Variants in PITPNC1 observed in about 807,000 individuals in gnomAD.
PITPNC1 encodes the protein cytoplasmic phosphatidylinositol transfer protein 1.
PITPNC1 carries 18 observed loss-of-function variants against 44.7 expected under a neutral mutation model. The observed-to-expected ratio is 0.40, with a 90% CI of 0.28 to 0.60. The LOEUF (loss-of-function observed/expected upper bound fraction) is 0.60, where lower values mean the gene tolerates loss of function less well. Ranked by LOEUF, PITPNC1 falls within the 20% of genes least tolerant of loss-of-function variation. The pLI is 0.39. For missense variants in PITPNC1, 290 were observed against 418.4 expected (o/e 0.69, Z 2.68); for synonymous variants, 141 against 149.6 (o/e 0.94, Z 0.42).
chr17:67,636,253 G>A (rs2042030826), intron 6 of PITPNC1, among the ~76,000 whole-genome samples: 2 of 133,228 alleles, frequency 1.5e-5, no homozygotes, highest in Admixed American at 1.8e-4. Flanking sequence ...CTGCACTCCA[G>A]CCCAGGCGAC....
intron 5 of PITPNC1, chr17:67,611,239 G>A (rs555372158): frequency 8.5e-5 from 13 of 152,328 alleles, no homozygotes; most frequent in African/African-American, 3.1e-4. Context: ...AAGGCCACAT[G>A]TGCCTGTAGT....
intron 4 of PITPNC1, among the ~76,000 whole-genome samples, chr17:67,566,993 T>C (rs2040988547): frequency 6.6e-6 from 1 of 152,242 alleles, no homozygotes; most frequent in Non-Finnish European, 1.5e-5. Flanking sequence ...AATGGGGATG[T>C]ATGAGGGTTA....
At chr17:67,631,657 A>AATATATATAT (rs1555574521) in intron 5 of PITPNC1, among the ~76,000 whole-genome samples, 118 of 7,662 alleles carry the variant, frequency 0.015, 9 homozygotes, top group African/African-American at 0.038. Context: ...AAAAAAAAAA[A>AATATATATAT]ATATATATAT....
At chr17:67,436,442 G>C (rs559339694) in intron 1 of PITPNC1, among the ~76,000 whole-genome samples, 2 of 152,106 alleles carry the variant, frequency 1.3e-5, no homozygotes, top group Non-Finnish European at 2.9e-5. Context: ...GCCTCTTTGT[G>C]TTTGAGCCAG....
intron 1 of PITPNC1, among the ~76,000 whole-genome samples, chr17:67,401,023 C>T (rs186269458): frequency 6.6e-6 from 1 of 152,150 alleles, no homozygotes; most frequent in African/African-American, 2.4e-5. Context: ...CAACCTCCAC[C>T]TCCCGGGTTC....
chr17:67,593,379 G>T (rs906031366), intron 5 of PITPNC1, among the ~76,000 whole-genome samples: 1 of 151,444 alleles, frequency 6.6e-6, no homozygotes, highest in Non-Finnish European at 1.5e-5. Context: ...GGTAGTGGCT[G>T]TTTTTTGGCT....
chr17:67,640,852 T>C (rs536157681), intron 6 of PITPNC1, among the ~76,000 whole-genome samples: 3 of 151,760 alleles, frequency 2.0e-5, no homozygotes, highest in South Asian at 4.2e-4. Context: ...TAGCCGGGTG[T>C]GGTGGCACAT....
intron 1 of PITPNC1, among the ~76,000 whole-genome samples, chr17:67,383,089 G>A (rs554270001): frequency 2.3e-4 from 35 of 151,946 alleles, no homozygotes; most frequent in Non-Finnish European, 4.1e-4. Flanking sequence ...TCTGCCTCCC[G>A]AGTTCAAGAG....
At chr17:67,629,266 G>GTGTGTGTGTGTA (rs1555574240) in intron 5 of PITPNC1, among the ~76,000 whole-genome samples, 2 of 150,280 alleles carry the variant, frequency 1.3e-5, no homozygotes, top group African/African-American at 4.9e-5. Flanking sequence ...GTGTGTGTGT[G>GTGTGTGTGTGTA]GTTTTTGTTG....
At chr17:67,453,517 C>T (rs2039213180) in intron 1 of PITPNC1, among the ~76,000 whole-genome samples, 1 of 152,140 alleles carries the variant, frequency 6.6e-6, no homozygotes, top group South Asian at 2.1e-4. Context: ...CCTGCCACTC[C>T]CCTCTGCCCT....
intron 1 of PITPNC1, among the ~76,000 whole-genome samples, chr17:67,490,372 A>T (rs956031918): frequency 2.3e-4 from 35 of 151,314 alleles, no homozygotes; most frequent in Admixed American, 8.6e-4. Context: ...GTTTTTTTTT[A>T]AATCTTGGCT....
intron 1 of PITPNC1, among the ~76,000 whole-genome samples, chr17:67,422,657 C>T (rs908758554): frequency 7.9e-5 from 12 of 152,120 alleles, no homozygotes; most frequent in African/African-American, 2.2e-4. Context: ...AAGAGATTCT[C>T]CTGCCTCAGC....
intron 1 of PITPNC1, among the ~76,000 whole-genome samples, chr17:67,459,419 C>T (rs1269292165): frequency 1.3e-5 from 2 of 152,142 alleles, no homozygotes; most frequent in African/African-American, 4.8e-5. Flanking sequence ...TGCCCAGCCT[C>T]TTTGGGGTTT....
intron 1 of PITPNC1, among the ~76,000 whole-genome samples, chr17:67,427,505 C>T (rs1174746665): frequency 6.6e-6 from 1 of 152,176 alleles, no homozygotes; most frequent in East Asian, 1.9e-4. Context: ...AGCCACTGCA[C>T]CCAGCCATGC....
chr17:67,600,607 T>C (rs2041527771), intron 5 of PITPNC1, among the ~76,000 whole-genome samples: 1 of 151,868 alleles, frequency 6.6e-6, no homozygotes, highest in Admixed American at 6.6e-5. Context: ...AATTAGTGAA[T>C]TGGAAGATAT....
intron 6 of PITPNC1, among the ~76,000 whole-genome samples, chr17:67,654,721 C>T (rs1166160284): frequency 1.3e-5 from 2 of 152,174 alleles, no homozygotes; most frequent in African/African-American, 4.8e-5. Context: ...CAACCTCCAC[C>T]TCCTGGGTTC....
intron 5 of PITPNC1, among the ~76,000 whole-genome samples, chr17:67,628,037 A>G (rs1304215688): frequency 1.3e-5 from 2 of 149,432 alleles, no homozygotes; most frequent in Non-Finnish European, 3.0e-5. Flanking sequence ...AGCGATTCTC[A>G]TGCCTCAGTC....
At chr17:67,601,597 A>T (rs1292971251) in intron 5 of PITPNC1, among the ~76,000 whole-genome samples, 6 of 152,048 alleles carry the variant, frequency 3.9e-5, no homozygotes, top group African/African-American at 9.7e-5. Flanking sequence ...CAAAAAAAAA[A>T]TTAAAAAATT....
At chr17:67,663,971 T>C (rs2042384966) in intron 6 of PITPNC1, among the ~76,000 whole-genome samples, 1 of 152,150 alleles carries the variant, frequency 6.6e-6, no homozygotes, top group African/African-American at 2.4e-5. Context: ...GTTTTTTGTT[T>C]TTTTGTTTTG....
Sources: allele counts gnomAD v4.1 joint callset (sites outside exome capture counted in the v4.1 genomes callset), GRCh38; gene constraint gnomAD v4.1.1; transcripts MANE v1.5; gene names NCBI Gene and HGNC (gene_info 2026-07-23, HGNC 2026-07-21).